YME1L1: variants seen among roughly 807,000 people sequenced by gnomAD.
YME1L1 encodes ATP-dependent zinc metalloprotease YME1L1.
In YME1L1, 39 loss-of-function variants were observed where a neutral mutation model predicts 90.4. The observed-to-expected ratio is 0.43, with a 90% CI of 0.33 to 0.56. YME1L1 has a LOEUF of 0.56. Ranked by LOEUF, YME1L1 falls within the 20% of genes least tolerant of loss-of-function variation. YME1L1 has a pLI of 0.03. For missense variants in YME1L1, 617 were observed against 868.4 expected (o/e 0.71, Z 3.64); for synonymous variants, 284 against 287.3 (o/e 0.99, Z 0.12).
intron 11 of YME1L1, among the ~76,000 whole-genome samples, chr10:27,121,702 ATTTATT>A (rs1331416530): frequency 6.7e-6 from 1 of 149,280 alleles, no homozygotes; most frequent in Non-Finnish European, 1.5e-5. Context: ...TTTATTTTTT[ATTTATT>A]TTTAAATCTT....
intron 2 of YME1L1, chr10:27,147,288 G>A (rs1246017541): frequency 3.0e-5 from 24 of 803,890 alleles, no homozygotes; most frequent in Admixed American, 5.4e-5. Context: ...CAGGCCAGGA[G>A]TTCGAGATCA....
chr10:27,118,896 A>C (rs2056839147), intron 14 of YME1L1, among the ~76,000 whole-genome samples: 1 of 152,210 alleles, frequency 6.6e-6, no homozygotes, highest in Non-Finnish European at 1.5e-5. Context: ...TACATAAGCA[A>C]CTAGAATATA....
chr10:27,126,168 T>G (rs1336326327), intron 9 of YME1L1, among the ~76,000 whole-genome samples: 2 of 152,084 alleles, frequency 1.3e-5, no homozygotes. Flanking sequence ...TTAGGTTGAG[T>G]GCGCTGGCTC....
chr10:27,115,266 CA>C (rs1399020923), intron 17 of YME1L1, among the ~76,000 whole-genome samples: 1 of 149,276 alleles, frequency 6.7e-6, no homozygotes. Flanking sequence ...AACAAAGAAA[CA>C]AAAAAACACT....
chr10:27,121,305 T>C, intron 12 of YME1L1, 81 bp downstream of exon 12: 1 of 961,610 alleles, frequency 1.0e-6, no homozygotes, highest in South Asian at 1.3e-5. Context: ...AGTGTTGATG[T>C]GATCTTTTGC....
chr10:27,125,844 G>A (rs919285630), intron 9 of YME1L1, among the ~76,000 whole-genome samples: 1 of 151,792 alleles, frequency 6.6e-6, no homozygotes, highest in African/African-American at 2.4e-5. Context: ...TCACCATGTT[G>A]GCCAGGCTGG....
chr10:27,135,003 C>G (rs751651712), intron 5 of YME1L1, 22 bp from the exon 6 acceptor site: 1 of 1,607,206 alleles, frequency 6.2e-7, no homozygotes, highest in Non-Finnish European at 8.5e-7. Flanking sequence ...AACAACACAT[C>G]AGTACTGGTT....
At chr10:27,123,740 A>G in intron 9 of YME1L1, 41 bp from the exon 10 acceptor site, 1 of 1,553,674 alleles carries the variant, frequency 6.4e-7, no homozygotes, top group Non-Finnish European at 8.7e-7. Context: ...AAGTATTTTT[A>G]AAAAATCCCT....
chr10:27,121,115 TAC>T lies in YME1L1; in HGVS notation c.1298+269_1298+270del, dbSNP rs1450807959. Among the ~76,000 whole-genome samples, 3 of 152,214 alleles carry T rather than the reference TAC, an allele frequency of 2.0e-5. No individual in the cohort carries two copies. In the East Asian group the frequency reaches 5.8e-4, roughly 29 times the overall value. On this transcript the variant is annotated intron_variant, in intron 12 of 18. Transcript: ENST00000376016. ...AAGTGGATACTTCAGTGGTTTTTAA[TAC>T]ATTCAGAATTGTACAACCATCACCA...
At chr10:27,125,188 G>A (rs1254503537) in intron 9 of YME1L1, among the ~76,000 whole-genome samples, 1 of 151,976 alleles carries the variant, frequency 6.6e-6, no homozygotes, top group African/African-American at 2.4e-5. Context: ...GAATTAAGAT[G>A]AAACACAGCA....
chr10:27,145,465 G>C lies in YME1L1; in HGVS notation c.294C>G (p.Ser98=), dbSNP rs371923418. ...CAAAGAAGGATTGTGCAGAGACATGGGATGTATGCCAATGGGAAGAAATGT... is the reference window on the plus strand; with the variant it reads ...CAAAGAAGGATTGTGCAGAGACATGCGATGTATGCCAATGGGAAGAAATGT... ...GKNISSHWHT[S]HVSAQSFFEN... The change falls in exon 3 of 19, where the codon TCC becomes TCG. Residue 98 remains serine, a synonymous_variant. Coordinates refer to ENST00000376016, the MANE Select transcript of YME1L1 (RefSeq NM_014263.4). 3.7e-5 allele frequency: 60 copies of C among 1,612,824 alleles called. No individual in the cohort carries two copies. In the African/African-American group the frequency reaches 7.7e-4, roughly 21 times the overall value.
Position 27,122,992 on chromosome 10 carries a change from T to C in YME1L1, c.1103-19A>G. 1 of 1,604,300 alleles carries C rather than the reference T, an allele frequency of 6.2e-7. No individual in the cohort carries two copies. Among genetic ancestry groups the C allele is most frequent in the Non-Finnish European group, 8.5e-7 (1 of 1,177,374 alleles). On this transcript the variant is annotated intron_variant, in intron 10 of 18. Coordinates refer to ENST00000376016, the MANE Select transcript of YME1L1 (RefSeq NM_014263.4). ...GCTTCCCCTAAGAAAACAAAAAACA[T>C]TCAAATAAGCTGAAAGAAAGTCAAC... is the stretch of plus-strand genomic sequence containing the variant.
In YME1L1 at chr10:27,147,800, G is replaced by C. The variant is rs747351754; in HGVS notation, c.168+1106C>G. ...GTTTCACCAAACCCTGGCTCCTGGC[G>C]TGCACAATGGCCAGCAGGACCTAGC... On this transcript the variant is annotated intron_variant, in intron 2 of 18. Transcript: ENST00000376016. 2.6e-5 allele frequency: 33 copies of C among 1,253,818 alleles called. No individual in the cohort carries two copies. The East Asian group carries it at 8.1e-4, about 31-fold the overall frequency. The allele number at this position is 1,253,818 out of a possible 1,614,324, so 77.7% of individuals were successfully genotyped here.
At position 27,110,284 on chromosome 10, in the gene YME1L1, A is replaced by C. The variant is rs2056746693; in HGVS notation, c.*1693T>G. 1 of 152,222 alleles carries C rather than the reference A, an allele frequency of 6.6e-6. No individual in the cohort carries two copies. The highest frequency in any genetic ancestry group is 6.5e-5 in the Admixed American group (1 of 15,274). The allele number at this position is 152,222 out of a possible 1,614,324, so 9.4% of individuals were successfully genotyped here. On this transcript the variant is annotated 3_prime_UTR_variant, in exon 19 of 19. Transcript: ENST00000376016. ...CGGGCAGAATGATAACAACTGGTAA[A>C]TCTGGATGCAGGGTATATGAGACAT... is the stretch of plus-strand genomic sequence containing the variant.
intron 13 of YME1L1, among the ~76,000 whole-genome samples, chr10:27,119,707 G>A (rs2135848099): frequency 6.6e-6 from 1 of 152,114 alleles, no homozygotes; most frequent in Middle Eastern, 3.4e-3. Context: ...TATTCAGAAG[G>A]CTGAGGCAGA....
rs190954569 is a variant in YME1L1, at chr10:27,131,707, C to T, written c.858+152G>A. 648 of 561,984 alleles carry T rather than the reference C, an allele frequency of 1.2e-3. 4 individuals are homozygous for T. Among genetic ancestry groups the T allele is most frequent in the African/African-American group, 0.011 (593 of 52,252 alleles). The allele number at this position is 561,984 out of a possible 1,614,324, so 34.8% of individuals were successfully genotyped here. A position where few individuals can be genotyped will look rare whatever the true frequency, so the allele number is the denominator to read the frequency against. ...CCATAAAGCAAGATTTGATCCTTGG[C>T]TATTATTATTTATCCCAAAATACTA... On this transcript the variant is annotated intron_variant, in intron 8 of 18. Transcript: ENST00000376016.
chr10:27,117,448 A>T (rs2056824897), intron 15 of YME1L1, 128 bp downstream of exon 15: 2 of 996,540 alleles, frequency 2.0e-6, no homozygotes, highest in African/African-American at 3.3e-5. Flanking sequence ...GGCACCTGTA[A>T]TCCCAGTTAC....
intron 1 of YME1L1, chr10:27,153,155 C>T (rs2057247437): frequency 2.1e-6 from 1 of 469,598 alleles, no homozygotes; most frequent in Non-Finnish European, 4.4e-6. Flanking sequence ...GTTCACTCTT[C>T]ACCTTGCTAA....
intron 4 of YME1L1, 23 bp from the exon 5 acceptor site, chr10:27,136,408 C>T: frequency 1.3e-6 from 2 of 1,573,776 alleles, no homozygotes; most frequent in Non-Finnish European, 1.7e-6. Flanking sequence ...ATACCATTCA[C>T]TGTCACTATA....
Sources: gnomAD v4.1 joint callset for allele counts (sites outside exome capture counted in the v4.1 genomes callset) on GRCh38, gnomAD v4.1.1 for gene constraint, MANE v1.5 for transcripts, NCBI Gene and HGNC (gene_info 2026-07-23, HGNC 2026-07-21) for gene names.